TBC1D32: variants seen among roughly 807,000 people sequenced by gnomAD.
TBC1D32 encodes the protein TBC1 domain family member 32.
Under a neutral mutation model 170.3 loss-of-function variants are expected in TBC1D32, and 151 were observed. That is an observed-to-expected ratio of 0.89 (90% CI 0.78 to 1.01). TBC1D32 has a LOEUF of 1.01. Ranked by LOEUF, TBC1D32 falls within the 50% of genes least tolerant of loss-of-function variation. The probability of loss-of-function intolerance (pLI) is 0.00; values close to 1 mark genes in which losing one functional copy is unlikely to be tolerated. For synonymous variants in TBC1D32, 498 were observed against 488.0 expected (o/e 1.02, Z -0.27); for missense variants, 1,464 against 1,457.1 (o/e 1.00, Z -0.08).
intron 20 of TBC1D32, among the ~76,000 whole-genome samples, chr6:121,229,012 T>C (rs1318295844): frequency 1.3e-5 from 2 of 152,072 alleles, no homozygotes; most frequent in Non-Finnish European, 2.9e-5. Context: ...TAGTTTTTCC[T>C]TTACTTTATC....
intron 1 of TBC1D32, among the ~76,000 whole-genome samples, chr6:121,323,466 T>C (rs1292696421): frequency 6.6e-6 from 1 of 152,230 alleles, no homozygotes; most frequent in Non-Finnish European, 1.5e-5. Context: ...AATGCCTCAA[T>C]AAATATTTGC....
intron 19 of TBC1D32, among the ~76,000 whole-genome samples, chr6:121,241,196 G>A (rs906587109): frequency 6.6e-6 from 1 of 152,034 alleles, no homozygotes; most frequent in Admixed American, 6.5e-5. Flanking sequence ...CATTAAGTAC[G>A]TTTCTCCTGA....
intron 12 of TBC1D32, among the ~76,000 whole-genome samples, chr6:121,288,048 C>A (rs1275580057): frequency 6.6e-6 from 1 of 152,112 alleles, no homozygotes; most frequent in Non-Finnish European, 1.5e-5. Context: ...CAAGAGAAAT[C>A]AGGAAAGATC....
intron 22 of TBC1D32, among the ~76,000 whole-genome samples, chr6:121,191,763 T>C (rs1004348184): frequency 3.9e-5 from 6 of 152,092 alleles, no homozygotes; most frequent in Non-Finnish European, 8.8e-5. Context: ...TGTGAGGGTG[T>C]TGCCGATGGA....
intron 30 of TBC1D32, among the ~76,000 whole-genome samples, chr6:121,097,096 A>G (rs1777503279): frequency 1.3e-5 from 2 of 152,300 alleles, no homozygotes; most frequent in Middle Eastern, 6.8e-3. Flanking sequence ...TAAAAACCCT[A>G]GAAGAAAACC....
At chr6:121,218,257 A>G (rs776073728) in intron 21 of TBC1D32, among the ~76,000 whole-genome samples, 12 of 152,350 alleles carry the variant, frequency 7.9e-5, no homozygotes, top group East Asian at 5.8e-4. Flanking sequence ...TGCCACAGCC[A>G]TAGAAACAAA....
intron 22 of TBC1D32, among the ~76,000 whole-genome samples, chr6:121,188,069 TA>T (rs1371915931): frequency 2.6e-5 from 4 of 152,154 alleles, no homozygotes; most frequent in Non-Finnish European, 5.9e-5. Context: ...TTTGTCACTT[TA>T]ATTGAATGGC....
At position 121,304,392 on chromosome 6, in the gene TBC1D32, G is replaced by A; in HGVS notation, c.908C>T (p.Pro303Leu). The change falls in exon 8 of 32, where the codon CCA (proline) becomes CTA (leucine). Residue 303 changes from proline to leucine, a missense_variant. Coordinates refer to ENST00000398212, the MANE Select transcript of TBC1D32 (RefSeq NM_152730.6). ...CTCTGGATGACGAATCCAGAAAGAT[G>A]GAGCTTCTTTCTGATATTCATTTAG... is the stretch of plus-strand genomic sequence containing the variant. ...RLLNEYQKEA[P>L]SFWIRHPEKY... 6.2e-7 allele frequency: 1 copy of A among 1,613,516 alleles called. No homozygotes were observed. Among genetic ancestry groups the A allele is most frequent in the East Asian group, 2.2e-5 (1 of 44,828 alleles).
chr6:121,173,273 G>A (rs758429952), intron 22 of TBC1D32, among the ~76,000 whole-genome samples: 6 of 152,130 alleles, frequency 3.9e-5, no homozygotes, highest in Non-Finnish European at 7.3e-5. Context: ...AAGTTCTTCA[G>A]CTTTGGGACT....
rs74428168 is a variant in TBC1D32 at position 121,299,349 on chromosome 6, T to C, written c.1140+97A>G. ...AGGCGAATTGCTTCATTATCCAATA[T>C]TAATTATCACCACACAACTTTGCAT... On this transcript the variant is annotated intron_variant, in intron 10 of 31. Transcript: ENST00000398212. 41 of 1,314,726 alleles carry C rather than the reference T, an allele frequency of 3.1e-5. No homozygotes were observed. The African/African-American group carries it at 5.7e-4, about 18-fold the overall frequency. 81.4% of individuals were successfully genotyped at this position (1,314,726 alleles called of 1,614,324 possible). A position where few individuals can be genotyped will look rare whatever the true frequency, so the allele number is the denominator to read the frequency against.
chr6:121,171,441 A>T (rs1786985792), intron 22 of TBC1D32, among the ~76,000 whole-genome samples: 3 of 151,980 alleles, frequency 2.0e-5, no homozygotes, highest in African/African-American at 7.2e-5. Flanking sequence ...AGATGAGATG[A>T]GAAAAATATT....
At chr6:121,239,346 A>G (rs1583345531) in intron 19 of TBC1D32, among the ~76,000 whole-genome samples, 158 bp from the exon 20 acceptor site, 1 of 152,120 alleles carries the variant, frequency 6.6e-6, no homozygotes, top group East Asian at 1.9e-4. Context: ...TAGAAATTAT[A>G]TCTGCTATTG....
chr6:121,251,210 G>T (rs968077030), intron 17 of TBC1D32, among the ~76,000 whole-genome samples: 4 of 151,524 alleles, frequency 2.6e-5, no homozygotes, highest in Admixed American at 1.3e-4. Context: ...TTTCCTCATA[G>T]AATTAAAAAA....
At chr6:121,239,237 G>T in intron 19 of TBC1D32, 49 bp from the exon 20 acceptor site, 1 of 1,141,178 alleles carries the variant, frequency 8.8e-7, no homozygotes, top group Non-Finnish European at 1.3e-6. Context: ...TATTTCTTTG[G>T]ATTATGAAGG....
chr6:121,250,577 G>A (rs1479147903), intron 17 of TBC1D32, among the ~76,000 whole-genome samples: 1 of 152,002 alleles, frequency 6.6e-6, no homozygotes. Flanking sequence ...GGTATTGATG[G>A]AACATATCTC....
chr6:121,106,704 T>A (rs73766700), intron 29 of TBC1D32, among the ~76,000 whole-genome samples: 4,578 of 152,060 alleles, frequency 0.03, 234 homozygotes, highest in African/African-American at 0.1. Context: ...TTTGAGAAAC[T>A]CATCTCTAAA....
At chr6:121,117,026 T>C (rs1779751598) in intron 26 of TBC1D32, among the ~76,000 whole-genome samples, 1 of 152,126 alleles carries the variant, frequency 6.6e-6, no homozygotes, top group African/African-American at 2.4e-5. Context: ...CTAAATAAGA[T>C]TGCCAAGAGG....
At chr6:121,242,379 A>G in intron 17 of TBC1D32, 40 bp from the exon 18 acceptor site, 11 of 1,594,578 alleles carry the variant, frequency 6.9e-6, no homozygotes, top group Non-Finnish European at 9.4e-6. Flanking sequence ...TCTTTAAGAT[A>G]CTAAAAACTG....
chr6:121,223,158 T>G (rs1794706515), intron 21 of TBC1D32, 78 bp downstream of exon 21: 1 of 899,306 alleles, frequency 1.1e-6, no homozygotes, highest in Non-Finnish European at 1.7e-6. Flanking sequence ...TTTTCTCTTT[T>G]TGGTCAAATT....
Sources: allele counts gnomAD v4.1 joint callset (sites outside exome capture counted in the v4.1 genomes callset), GRCh38; gene constraint gnomAD v4.1.1; transcripts MANE v1.5; gene names NCBI Gene and HGNC (gene_info 2026-07-23, HGNC 2026-07-21).